The following CFAP54 variants were observed in gnomAD, a reference collection of about 807,000 sequenced individuals.
The protein encoded by CFAP54 is cilia and flagella associated protein 54, also known as cilia- and flagella-associated protein 54.
CFAP54 carries 290 observed loss-of-function variants against 370.4 expected under a neutral mutation model. The observed-to-expected ratio is 0.78, with a 90% CI of 0.71 to 0.86. CFAP54 has a LOEUF of 0.86. CFAP54 is among the 40% of genes least tolerant of loss of function. The pLI is 0.00. For missense variants in CFAP54, 3,399 were observed against 3,528.7 expected (o/e 0.96, Z 0.93); for synonymous variants, 1,206 against 1,236.5 (o/e 0.98, Z 0.52).
rs761860398 is a variant in CFAP54 at position 96,649,954 on chromosome 12, A to C, written c.4754A>C (p.Gln1585Pro). ...AGTGATGAAAATATGTCCAAGACAC[A>C]AACAGTTTATGACTCAGACTCTCAA... Reference protein sequence around the residue: ...IMSDENMSKTQTVYDSDSQSG... With the variant: ...IMSDENMSKTPTVYDSDSQSG... The change falls in exon 35 of 68, where the codon CAA becomes CCA. Residue 1585 changes from glutamine (Q) to proline (P), a missense_variant. Physicochemically the swap from Gln to Pro is moderately conservative, Grantham distance 76 (BLOSUM62 -1). Coordinates refer to ENST00000524981, the MANE Select transcript of CFAP54 (RefSeq NM_001306084.2). 1 of 1,612,710 alleles carries C rather than the reference A, an allele frequency of 6.2e-7. No individual in the cohort carries two copies. The highest frequency in any genetic ancestry group is 1.1e-5 in the South Asian group (1 of 90,790).
chr12:96,697,074 A>G (rs79004937), intron 45 of CFAP54, among the ~76,000 whole-genome samples: 6,031 of 152,302 alleles, frequency 0.04, 221 homozygotes, highest in South Asian at 0.19. Context: ...CTGTCAACAC[A>G]TCAAACCTAG....
chr12:96,868,563 T>G (rs898977597), intron 67 of CFAP54, among the ~76,000 whole-genome samples: 1 of 152,182 alleles, frequency 6.6e-6, no homozygotes, highest in Non-Finnish European at 1.5e-5. Flanking sequence ...TGGTTCTTAT[T>G]TTTTAAATTG....
intron 62 of CFAP54, among the ~76,000 whole-genome samples, chr12:96,791,948 C>A (rs1210209960): frequency 6.6e-6 from 1 of 151,412 alleles, no homozygotes; most frequent in Non-Finnish European, 1.5e-5. Flanking sequence ...CTCCCAGGTT[C>A]AAGCAATTCT....
chr12:96,504,041 G>GAGC lies in CFAP54; in HGVS notation c.567+16_567+18dup. Reference sequence around the variant, plus strand: ...CTGCTGGACTTACAGTAAGATGAAAGAGCAGCTGAAATAGCTACAATTTAT... The same window carrying GAGC: ...CTGCTGGACTTACAGTAAGATGAAAGAGCAGCAGCTGAAATAGCTACAATTTAT... On this transcript the variant is annotated intron_variant, in intron 3 of 67. Transcript: ENST00000524981. 1 of 1,495,684 alleles carries GAGC rather than the reference G, an allele frequency of 6.7e-7. No homozygotes were observed. Among genetic ancestry groups the GAGC allele is most frequent in the Non-Finnish European group, 8.8e-7 (1 of 1,133,156 alleles). The allele number at this position is 1,495,684 out of a possible 1,614,324, so 92.7% of individuals were successfully genotyped here. A position where few individuals can be genotyped will look rare whatever the true frequency, so the allele number is the denominator to read the frequency against.
chr12:96,836,626 T>C (rs1363086088), intron 66 of CFAP54, among the ~76,000 whole-genome samples: 1 of 152,146 alleles, frequency 6.6e-6, no homozygotes. Context: ...CAGCGTAATA[T>C]CTCCATTTTT....
intron 66 of CFAP54, among the ~76,000 whole-genome samples, chr12:96,858,907 G>T (rs1959790113): frequency 2.6e-5 from 4 of 152,048 alleles, no homozygotes; most frequent in Admixed American, 2.6e-4. Flanking sequence ...AAAATTAATG[G>T]AACTAAAATT....
chr12:96,805,389 AG>A (rs1055025447), intron 63 of CFAP54, among the ~76,000 whole-genome samples: 1 of 131,722 alleles, frequency 7.6e-6, no homozygotes, highest in African/African-American at 2.8e-5. Context: ...CAGCTCAACA[AG>A]AAAAAAAAAC....
At chr12:96,709,283 G>A (rs558391444) in intron 48 of CFAP54, among the ~76,000 whole-genome samples, 4 of 152,286 alleles carry the variant, frequency 2.6e-5, no homozygotes, top group East Asian at 1.9e-4. Flanking sequence ...ACCTCCACTC[G>A]TGCACATGCA....
At chr12:96,573,483 C>G (rs897428681) in intron 19 of CFAP54, among the ~76,000 whole-genome samples, 1 of 152,040 alleles carries the variant, frequency 6.6e-6, no homozygotes, top group African/African-American at 2.4e-5. Context: ...CCTCAGGGAG[C>G]CAAAGCTGCT....
intron 46 of CFAP54, among the ~76,000 whole-genome samples, chr12:96,702,521 CAA>C (rs956560097): frequency 6.6e-5 from 10 of 150,694 alleles, no homozygotes; most frequent in African/African-American, 2.2e-4. Context: ...GGATGAGAAA[CAA>C]GAGAGAGTTT....
At chr12:96,729,553 C>G (rs186151104) in intron 50 of CFAP54, among the ~76,000 whole-genome samples, 1 of 152,200 alleles carries the variant, frequency 6.6e-6, no homozygotes, top group African/African-American at 2.4e-5. Flanking sequence ...GCTCAGTATT[C>G]GGGTGGGAGT....
rs1314197505 is a variant in CFAP54 at position 96,539,064 on chromosome 12, G to GTTT, written c.1926+557_1926+559dup. 6.1e-3 allele frequency among the ~76,000 whole-genome samples: 683 copies of GTTT among 111,676 alleles called. 56 individuals carry two copies. The highest frequency in any genetic ancestry group is 0.014 in the African/African-American group (388 of 28,236). 73.3% of individuals were successfully genotyped at this position (111,676 alleles called of 152,430 possible). A position where few individuals can be genotyped will look rare whatever the true frequency, so the allele number is the denominator to read the frequency against. On this transcript the variant is annotated intron_variant, in intron 13 of 67. Transcript: ENST00000524981. Reference sequence around the variant, plus strand: ...GAGCCACCACGCCCGGCCTTTTCAGGTTTTTTTTTTTTTGTTTTTGTTTTT... The same window carrying GTTT: ...GAGCCACCACGCCCGGCCTTTTCAGGTTTTTTTTTTTTTTTTGTTTTTGTTTTT...
At chr12:96,692,430 T>C (rs1957398149) in intron 44 of CFAP54, among the ~76,000 whole-genome samples, 1 of 152,070 alleles carries the variant, frequency 6.6e-6, no homozygotes, top group African/African-American at 2.4e-5. Context: ...CTGAAGAAAT[T>C]GAGAATGTTT....
chr12:96,774,972 G>A (rs954857942), intron 60 of CFAP54, among the ~76,000 whole-genome samples: 1 of 152,066 alleles, frequency 6.6e-6, no homozygotes, highest in Non-Finnish European at 1.5e-5. Context: ...CCATGAACAA[G>A]GTTGAAGTCA....
Position 96,826,865 on chromosome 12 carries a change from ATAT to A in CFAP54, c.9097-2145_9097-2143del, listed in dbSNP as rs556276927. On this transcript the variant is annotated intron_variant, in intron 65 of 67. Coordinates refer to ENST00000524981, the MANE Select transcript of CFAP54 (RefSeq NM_001306084.2). ...ATAATATTATATAATATATTATATA[ATAT>A]TATGATATATTATATAATATTATAT... Among the ~76,000 whole-genome samples, 903 of 118,580 alleles carry A rather than the reference ATAT, an allele frequency of 7.6e-3. 27 individuals carry two copies. In the East Asian group the frequency reaches 0.098, roughly 13 times the overall value. The allele number at this position is 118,580 out of a possible 152,430, so 77.8% of individuals were successfully genotyped here.
At chr12:96,592,731 G>T (rs779218253) in intron 24 of CFAP54, 94 bp downstream of exon 24, 20 of 407,336 alleles carry the variant, frequency 4.9e-5, no homozygotes, top group Non-Finnish European at 7.2e-5. Flanking sequence ...TGCATAGCTT[G>T]TCTGGTGAAT....
At chr12:96,642,232 A>G (rs1424464090) in intron 32 of CFAP54, among the ~76,000 whole-genome samples, 3 of 152,000 alleles carry the variant, frequency 2.0e-5, no homozygotes, top group African/African-American at 7.2e-5. Flanking sequence ...TGCTTCCATC[A>G]TTTTTTTGAG....
chr12:96,806,939 A>G (rs2136721084), intron 63 of CFAP54, among the ~76,000 whole-genome samples: 1 of 152,324 alleles, frequency 6.6e-6, no homozygotes, highest in African/African-American at 2.4e-5. Context: ...TAGACTCTCA[A>G]TTCAGACCCA....
At chr12:96,540,808 T>A (rs1457968219) in intron 13 of CFAP54, 29 bp from the exon 14 acceptor site, 1 of 1,355,998 alleles carries the variant, frequency 7.4e-7, no homozygotes, top group South Asian at 1.7e-5. Flanking sequence ...TACTTTTAAT[T>A]AATTTTGCTG....
Sources: allele counts gnomAD v4.1 joint callset (sites outside exome capture counted in the v4.1 genomes callset), GRCh38; gene constraint gnomAD v4.1.1; transcripts MANE v1.5; gene names NCBI Gene and HGNC (gene_info 2026-07-23, HGNC 2026-07-21).